Variants in ACTR10 observed in about 807,000 individuals in gnomAD.
The protein encoded by ACTR10 is actin-related protein 10.
A neutral mutation model predicts 56.2 loss-of-function variants in ACTR10; 43 were observed. That is an observed-to-expected ratio of 0.77 (90% CI 0.60 to 0.99). ACTR10 has a LOEUF of 0.99. ACTR10 is among the 50% of genes least tolerant of loss of function. ACTR10 has a pLI of 0.00. For missense variants in ACTR10, 466 were observed against 507.8 expected (o/e 0.92, Z 0.79); for synonymous variants, 170 against 176.3 (o/e 0.96, Z 0.28).
At chr14:58,208,862 G>T (rs1005844168) in intron 3 of ACTR10, 137 bp from the exon 4 acceptor site, 2 of 575,214 alleles carry the variant, frequency 3.5e-6, no homozygotes, top group Non-Finnish European at 3.1e-6. Flanking sequence ...TATCTTTCTG[G>T]GGTAATAAAA....
intron 10 of ACTR10, among the ~76,000 whole-genome samples, chr14:58,226,748 G>A (rs1192276007): frequency 2.6e-5 from 4 of 152,060 alleles, no homozygotes; most frequent in African/African-American, 9.7e-5. Context: ...TTACAGGCAT[G>A]CGCACCATGC....
At chr14:58,218,887 A>G (rs540877873) in intron 7 of ACTR10, among the ~76,000 whole-genome samples, 1 of 152,126 alleles carries the variant, frequency 6.6e-6, no homozygotes, top group Non-Finnish European at 1.5e-5. Context: ...GTGCAATGGC[A>G]TGATCTTGGC....
chr14:58,231,363 T>G, intron 11 of ACTR10, among the ~76,000 whole-genome samples: 1 of 152,194 alleles, frequency 6.6e-6, no homozygotes, highest in Non-Finnish European at 1.5e-5. Flanking sequence ...TGCATTCTTT[T>G]AAGACCAGGG....
At chr14:58,222,787 A>T (rs979387933) in intron 8 of ACTR10, among the ~76,000 whole-genome samples, 10 of 136,988 alleles carry the variant, frequency 7.3e-5, no homozygotes, top group African/African-American at 2.4e-4. Context: ...AAAAAAAAAA[A>T]TTGGCGTTGT....
chr14:58,228,973 TAC>T (rs78080495), intron 10 of ACTR10, among the ~76,000 whole-genome samples: 13,895 of 152,186 alleles, frequency 0.091, 920 homozygotes, highest in African/African-American at 0.18. Flanking sequence ...TAAAAGATAA[TAC>T]AGAGAGGTCC....
At chr14:58,202,711 T>C in intron 1 of ACTR10, 144 bp from the exon 2 acceptor site, 2 of 487,974 alleles carry the variant, frequency 4.1e-6, no homozygotes, top group Non-Finnish European at 7.1e-6. Flanking sequence ...TGTGGAGTGA[T>C]TTTTTTTGAT....
At position 58,215,285 on chromosome 14, in the gene ACTR10, G is replaced by A. The variant is rs1889107445; in HGVS notation, c.598+1G>A. 6.2e-7 allele frequency: 1 copy of A among 1,600,590 alleles called. No individual in the cohort carries two copies. The highest frequency in any genetic ancestry group is 8.5e-7 in the Non-Finnish European group (1 of 1,169,926). ...GAACAGAGCCTTCCCTCAGTGATGG[G>A]TAAATTCATTTTAAGTGGTTTAGGA... On this transcript the variant is annotated splice_donor_variant, in intron 7 of 12. Coordinates refer to ENST00000254286, the MANE Select transcript of ACTR10 (RefSeq NM_018477.3). LOFTEE classifies it high-confidence loss of function.
At chr14:58,205,499 T>C (rs1366962437) in intron 2 of ACTR10, among the ~76,000 whole-genome samples, 1 of 151,740 alleles carries the variant, frequency 6.6e-6, no homozygotes, top group Non-Finnish European at 1.5e-5. Flanking sequence ...TATTTTTTAG[T>C]AGAGACGGGG....
intron 2 of ACTR10, among the ~76,000 whole-genome samples, chr14:58,204,225 A>C (rs898261161): frequency 1.3e-5 from 2 of 151,778 alleles, no homozygotes; most frequent in African/African-American, 2.4e-5. Flanking sequence ...ACTAAAAAAA[A>C]AAAAAAAAAT....
chr14:58,223,442 C>T, intron 8 of ACTR10, 180 bp from the exon 9 acceptor site: 1 of 619,200 alleles, frequency 1.6e-6, no homozygotes, highest in Non-Finnish European at 2.8e-6. Context: ...CTGGCCAAAA[C>T]AGGTTTTTTA....
chr14:58,209,560 G>A (rs1399960622), intron 4 of ACTR10, among the ~76,000 whole-genome samples: 1 of 151,832 alleles, frequency 6.6e-6, no homozygotes, highest in African/African-American at 2.4e-5. Context: ...GTCATTTTAG[G>A]CTTCAAATTC....
rs754153271 is a variant in ACTR10 at position 58,230,375 on chromosome 14, GCT to G, written c.789-19_789-18del. On this transcript the variant is annotated intron_variant, in intron 10 of 12. Transcript: ENST00000254286. ...TTATAATACGTGACACCAACAGAAA[GCT>G]CTCTTTTTCAAATCCCATTAGAGAT... The G allele has an allele frequency of 6.4e-6, 9 of 1,411,558 alleles. No individual in the cohort carries two copies. The South Asian group carries it at 1.2e-4, about 18-fold the overall frequency. 87.4% of individuals were successfully genotyped at this position (1,411,558 alleles called of 1,614,324 possible).
In ACTR10 at chr14:58,223,602, TCTC is replaced by T. The variant is rs772989813; in HGVS notation, c.635-17_635-15del. Reference sequence around the variant, plus strand: ...ATTATAATAACTAGCCATAATAAGGTCTCCTTTTCTTCCTTAAAGCGCGTACTT... The same window carrying T: ...ATTATAATAACTAGCCATAATAAGGTCTTTTCTTCCTTAAAGCGCGTACTT... On this transcript the variant is annotated splice_polypyrimidine_tract_variant and intron_variant, in intron 8 of 12. Transcript: ENST00000254286. The T allele has an allele frequency of 9.4e-6, 15 of 1,593,364 alleles. No individual in the cohort carries two copies. The highest frequency in any genetic ancestry group is 3.4e-5 in the South Asian group (3 of 87,452).
intron 8 of ACTR10, among the ~76,000 whole-genome samples, chr14:58,221,708 T>C (rs1308850298): frequency 1.3e-5 from 2 of 152,032 alleles, no homozygotes; most frequent in African/African-American, 4.8e-5. Flanking sequence ...GCCATTGGAC[T>C]CCAGCGTGGA....
intron 2 of ACTR10, 55 bp from the exon 3 acceptor site, chr14:58,207,881 T>C: frequency 9.4e-7 from 1 of 1,061,286 alleles, no homozygotes; most frequent in Non-Finnish European, 1.3e-6. Context: ...ATTTTAATCT[T>C]AATTTGAGGT....
intron 8 of ACTR10, among the ~76,000 whole-genome samples, chr14:58,220,501 A>C (rs551867711): frequency 6.6e-6 from 1 of 152,206 alleles, no homozygotes; most frequent in Admixed American, 6.6e-5. Flanking sequence ...TAAAATTTCA[A>C]TCATTTGTAA....
chr14:58,224,617 A>G (rs1889355899), intron 10 of ACTR10, among the ~76,000 whole-genome samples: 1 of 152,180 alleles, frequency 6.6e-6, no homozygotes, highest in Non-Finnish European at 1.5e-5. Flanking sequence ...CCAAAAATTC[A>G]TGAAACTAAC....
chr14:58,206,733 A>AG (rs1355079823), intron 2 of ACTR10, among the ~76,000 whole-genome samples: 3 of 152,216 alleles, frequency 2.0e-5, no homozygotes, highest in Admixed American at 6.5e-5. Context: ...ATATGTGTGT[A>AG]GGCTGCTTTT....
At chr14:58,209,374 C>T (rs190874499) in intron 4 of ACTR10, 2 of 202,276 alleles carry the variant, frequency 9.9e-6, no homozygotes, top group East Asian at 2.3e-4. Context: ...TCATCCAACA[C>T]TTACATAATT....
Sources: allele counts gnomAD v4.1 joint callset (sites outside exome capture counted in the v4.1 genomes callset), GRCh38; gene constraint gnomAD v4.1.1; transcripts MANE v1.5; gene names NCBI Gene and HGNC (gene_info 2026-07-23, HGNC 2026-07-21).